C1orf185: variants seen among roughly 807,000 people sequenced by gnomAD.
C1orf185 encodes the protein uncharacterized protein C1orf185.
In C1orf185, 13 loss-of-function variants were observed where a neutral mutation model predicts 16.1. The observed-to-expected ratio is 0.81, with a 90% CI of 0.53 to 1.28. The LOEUF (loss-of-function observed/expected upper bound fraction) is 1.28. Among genes scored for constraint, C1orf185 ranks in the 50% most tolerant of loss-of-function variants. The probability of loss-of-function intolerance (pLI) is 0.00; values close to 1 mark genes in which losing one functional copy is unlikely to be tolerated. For synonymous variants in C1orf185, 80 were observed against 76.9 expected (o/e 1.04, Z -0.21); for missense variants, 220 against 225.2 (o/e 0.98, Z 0.15).
intron 4 of C1orf185, among the ~76,000 whole-genome samples, 179 bp from the exon 5 acceptor site, chr1:51,147,288 G>A (rs1220248632): frequency 6.6e-6 from 1 of 152,020 alleles, no homozygotes; most frequent in Non-Finnish European, 1.5e-5. Flanking sequence ...ATTTAGAATA[G>A]TCTTTTCTAT....
intron 3 of C1orf185, among the ~76,000 whole-genome samples, chr1:51,144,643 G>T (rs1177564250): frequency 6.6e-6 from 1 of 152,092 alleles, no homozygotes; most frequent in East Asian, 1.9e-4. Context: ...GGCCCCAGAA[G>T]TTGAGGCTGC....
At chr1:51,151,395 T>A (rs926721381), downstream of C1orf185, among the ~76,000 whole-genome samples, 1 of 152,140 alleles carries the variant, frequency 6.6e-6, no homozygotes, top group Admixed American at 6.5e-5. Context: ...AGGAGAGAAA[T>A]TGGAGAATCA....
At chr1:51,146,357 G>A (rs1329332714) in intron 4 of C1orf185, among the ~76,000 whole-genome samples, 1 of 151,592 alleles carries the variant, frequency 6.6e-6, no homozygotes, top group Non-Finnish European at 1.5e-5. Context: ...TACTTGGGAG[G>A]CTGGGGCAAG....
chr1:51,112,536 C>T lies in C1orf185; in HGVS notation c.89C>T (p.Ala30Val), dbSNP rs1262241744. ...TTGGGAATTGGTTTCTTTGCTTTGG[C>T]ATCAGCTTTGTGGTTCCTGATTTGC... is the stretch of plus-strand genomic sequence containing the variant. Reference protein sequence around the residue: ...VTLGIGFFALASALWFLICKR... With the variant: ...VTLGIGFFALVSALWFLICKR... Residue 30 changes from alanine to valine, a missense_variant, in exon 2 of 5, where the codon GCA becomes GTA. Physicochemically the swap from Ala to Val is moderately conservative, Grantham distance 64. Transcript: ENST00000371759. 1 of 1,550,724 alleles carries T rather than the reference C, an allele frequency of 6.4e-7. No individual in the cohort carries two copies.
chr1:51,132,286 T>C (rs953487943), intron 3 of C1orf185, among the ~76,000 whole-genome samples: 1 of 152,134 alleles, frequency 6.6e-6, no homozygotes, highest in Non-Finnish European at 1.5e-5. Flanking sequence ...TGAATACTAA[T>C]GAAGATTACT....
At chr1:51,146,333 C>T (rs1168752382) in intron 4 of C1orf185, among the ~76,000 whole-genome samples, 1 of 151,588 alleles carries the variant, frequency 6.6e-6, no homozygotes, top group Non-Finnish European at 1.5e-5. Flanking sequence ...GTGGCGCAGG[C>T]CTGTAATCCC....
At chr1:51,151,256 G>T (rs1646428212), downstream of C1orf185, among the ~76,000 whole-genome samples, 1 of 152,154 alleles carries the variant, frequency 6.6e-6, no homozygotes, top group Admixed American at 6.5e-5. Flanking sequence ...ATTCCATCAG[G>T]ACTTTCCCTA....
chr1:51,144,978 C>G (rs1049951612), intron 3 of C1orf185, among the ~76,000 whole-genome samples: 4 of 152,140 alleles, frequency 2.6e-5, no homozygotes, highest in Admixed American at 6.5e-5. Flanking sequence ...CCCAAGCCCA[C>G]TTCTAGAGAA....
intron 1 of C1orf185, among the ~76,000 whole-genome samples, chr1:51,104,397 T>C (rs959386024): frequency 1.3e-5 from 2 of 152,214 alleles, no homozygotes; most frequent in Non-Finnish European, 2.9e-5. Context: ...CATATAAATA[T>C]ATAACACATA....
chr1:51,147,502 G>GA lies in C1orf185; in HGVS notation c.331_332insA (p.Ala111AspfsTer8), dbSNP rs1317429004. 2 of 1,543,562 alleles carry GA rather than the reference G, an allele frequency of 1.3e-6. No homozygotes were observed. Among genetic ancestry groups the GA allele is most frequent in the Non-Finnish European group, 8.7e-7 (1 of 1,144,234 alleles). ...TCATTCTAAAGATGAACCCCAACTT[G>GA]CAACAAAAAATATCATTTGTGATCC... On this transcript the variant is annotated frameshift_variant, in exon 5 of 5. Coordinates refer to ENST00000371759, the MANE Select transcript of C1orf185 (RefSeq NM_001136508.2). LOFTEE classifies it low-confidence loss of function (END_TRUNC).
At chr1:51,139,822 A>G (rs1646352203) in intron 3 of C1orf185, among the ~76,000 whole-genome samples, 1 of 152,204 alleles carries the variant, frequency 6.6e-6, no homozygotes, top group Non-Finnish European at 1.5e-5. Flanking sequence ...ACAAAGGTTT[A>G]TTTCTCACAT....
chr1:51,105,604 T>C (rs978335505), intron 1 of C1orf185, among the ~76,000 whole-genome samples: 2 of 152,138 alleles, frequency 1.3e-5, no homozygotes, highest in African/African-American at 2.4e-5. Flanking sequence ...GAGAATACTA[T>C]AGTGGTTCTA....
intron 2 of C1orf185, among the ~76,000 whole-genome samples, chr1:51,113,981 T>A (rs1646140834): frequency 6.6e-6 from 1 of 152,226 alleles, no homozygotes; most frequent in Non-Finnish European, 1.5e-5. Flanking sequence ...AGGGGACAGA[T>A]AATGAACAGA....
intron 3 of C1orf185, among the ~76,000 whole-genome samples, chr1:51,143,167 C>T (rs533465714): frequency 5.3e-5 from 8 of 152,014 alleles, no homozygotes; most frequent in African/African-American, 4.8e-5. Flanking sequence ...TTTACCCTTG[C>T]GATTAATAAA....
chr1:51,150,172 A>C (rs1332617021), downstream of C1orf185, among the ~76,000 whole-genome samples: 1 of 151,924 alleles, frequency 6.6e-6, no homozygotes, highest in Non-Finnish European at 1.5e-5. Context: ...ATCCCATAAT[A>C]ATATAATAAA....
intron 1 of C1orf185, among the ~76,000 whole-genome samples, chr1:51,112,028 C>A (rs1473047078): frequency 2.0e-5 from 3 of 151,980 alleles, no homozygotes; most frequent in Non-Finnish European, 4.4e-5. Context: ...ATATTTGTTA[C>A]TTTATTACTC....
intron 4 of C1orf185, 91 bp from the exon 5 acceptor site, chr1:51,147,376 T>C (rs1646407272): frequency 1.3e-5 from 15 of 1,187,538 alleles, no homozygotes; most frequent in Non-Finnish European, 1.6e-5. Flanking sequence ...AGAATTTCTT[T>C]ATAGCATTAT....
intron 3 of C1orf185, among the ~76,000 whole-genome samples, chr1:51,130,522 C>A (rs376436762): frequency 6.6e-6 from 1 of 152,062 alleles, no homozygotes; most frequent in Non-Finnish European, 1.5e-5. Context: ...GCATTTGATA[C>A]TATCTATATT....
At chr1:51,146,730 G>A (rs12058330) in intron 4 of C1orf185, among the ~76,000 whole-genome samples, 1,895 of 151,964 alleles carry the variant, frequency 0.012, 41 homozygotes, top group African/African-American at 0.044. Context: ...TATTATTTTC[G>A]TGAAGTGGTG....
Sources: gnomAD v4.1 joint callset for allele counts (sites outside exome capture counted in the v4.1 genomes callset) on GRCh38, gnomAD v4.1.1 for gene constraint, MANE v1.5 for transcripts, NCBI Gene and HGNC (gene_info 2026-07-23, HGNC 2026-07-21) for gene names.